TRRAP: variants seen among roughly 807,000 people sequenced by gnomAD.
The protein encoded by TRRAP is transformation/transcription domain associated protein.
Under a neutral mutation model 438.8 loss-of-function variants are expected in TRRAP, and 41 were observed. That is an observed-to-expected ratio of 0.09 (90% CI 0.07 to 0.12). The LOEUF is 0.12. Ranked by LOEUF, TRRAP falls within the 10% of genes least tolerant of loss-of-function variation. The probability of loss-of-function intolerance (pLI) is 1.00; values close to 1 mark genes in which losing one functional copy is unlikely to be tolerated. For missense variants in TRRAP, 3,122 were observed against 5,055.1 expected (o/e 0.62, Z 11.60); for synonymous variants, 1,994 against 1,962.9 (o/e 1.02, Z -0.42).
intron 30 of TRRAP, among the ~76,000 whole-genome samples, chr7:98,940,354 A>G (rs1170375044): frequency 6.6e-6 from 1 of 151,706 alleles, no homozygotes; most frequent in East Asian, 1.9e-4. Context: ...ACGCCCAGCT[A>G]ATTTTTTGTA....
At chr7:98,992,560 CGTGTGTGTGTGT>C (rs72517544) in intron 65 of TRRAP, among the ~76,000 whole-genome samples, 1 of 149,126 alleles carries the variant, frequency 6.7e-6, no homozygotes. Flanking sequence ...TGCCAGCTGC[CGTGTGTGTGTGT>C]GTGTGTGTGT....
chr7:98,971,615 A>G (rs1205060015), intron 52 of TRRAP, among the ~76,000 whole-genome samples, 184 bp from the exon 53 acceptor site: 1 of 152,238 alleles, frequency 6.6e-6, no homozygotes, highest in Non-Finnish European at 1.5e-5. Context: ...AAAGAGAGCG[A>G]TCTGGTCTAG....
In TRRAP at chr7:98,953,229, C is replaced by T. The variant is rs199909227; in HGVS notation, c.5526C>T (p.Tyr1842=). The T allele has an allele frequency of 1.2e-5, 20 of 1,613,408 alleles. No individual in the cohort carries two copies. Among genetic ancestry groups the T allele is most frequent in the Admixed American group, 3.3e-5 (2 of 59,984 alleles). Residue 1842 remains tyrosine, a synonymous_variant, in exon 40 of 73, where the codon TAC becomes TAT. Coordinates refer to ENST00000456197, the MANE Select transcript of TRRAP (RefSeq NM_001375524.1). The part of the protein sequence containing the change: ...LDSLRIYLLQ[Y]ATLLVEHAPH... ...CGCTGCGGATCTACCTGCTGCAGTACGCCACGCTGCTGGTGGAGCACGCCC... is the reference window on the plus strand; with the variant it reads ...CGCTGCGGATCTACCTGCTGCAGTATGCCACGCTGCTGGTGGAGCACGCCC...
intron 46 of TRRAP, 151 bp from the exon 47 acceptor site, chr7:98,962,151 C>G (rs1791923781): frequency 1.3e-5 from 15 of 1,142,488 alleles, no homozygotes; most frequent in African/African-American, 1.1e-4. Flanking sequence ...CGGGAACCAG[C>G]CCAGAGGTGA....
Position 98,990,521 on chromosome 7 carries a change from A to C in TRRAP, c.9658A>C (p.Ile3220Leu). The C allele has an allele frequency of 1.2e-6, 2 of 1,614,168 alleles. No homozygotes were observed. Among genetic ancestry groups the C allele is most frequent in the Non-Finnish European group, 1.7e-6 (2 of 1,179,996 alleles). Residue 3220 changes from isoleucine to leucine, a missense_variant, in exon 64 of 73, where the codon ATT becomes CTT. This residue lies in a region of TRRAP where 52 missense variants were observed against 88.3 expected (regional missense o/e 0.59). Coordinates refer to ENST00000456197, the MANE Select transcript of TRRAP (RefSeq NM_001375524.1). ...TLADAVDKYC[I>L]GVPPIQWLAW... The stretch of plus-strand genomic sequence containing the variant: ...GGCAGATGCCGTCGACAAGTACTGC[A>C]TTGGTGTGCCACCCATCCAGTGGCT...
At position 98,956,017 on chromosome 7, in the gene TRRAP, A is replaced by G. The variant is rs977978928; in HGVS notation, c.5938-129A>G. 1.8e-5 allele frequency: 21 copies of G among 1,148,166 alleles called. No homozygotes were observed. The highest frequency in any genetic ancestry group is 3.1e-5 in the African/African-American group (2 of 64,656). The allele number at this position is 1,148,166 out of a possible 1,614,324, so 71.1% of individuals were successfully genotyped here. ...TAGGATTCAGAATTCTTGAGCATCA[A>G]GTTGGGCTGTGTGTGTATGTTGGGG... On this transcript the variant is annotated intron_variant, in intron 41 of 72. Transcript: ENST00000456197. The surrounding 1 kb of genome is among the most constrained non-coding windows in gnomAD (Gnocchi z 4.5).
intron 13 of TRRAP, 59 bp downstream of exon 13, chr7:98,906,314 C>T (rs782663806): frequency 2.4e-4 from 332 of 1,406,972 alleles, no homozygotes; most frequent in Non-Finnish European, 2.8e-4. Context: ...CAGTTACTGG[C>T]ACTTCATGTT....
At chr7:98,927,398 T>A (rs1584321319) in intron 23 of TRRAP, 32 bp downstream of exon 23, 1 of 1,609,556 alleles carries the variant, frequency 6.2e-7, no homozygotes, top group East Asian at 2.2e-5. Context: ...GGCACGGGAT[T>A]GGTTCTTTGA....
Position 98,908,098 on chromosome 7 carries a change from C to T in TRRAP, c.1116-630C>T, listed in dbSNP as rs1796872600. On this transcript the variant is annotated intron_variant, in intron 13 of 72. Transcript: ENST00000456197. This position sits in a 1 kb window ranked among gnomAD's most constrained non-coding sequence, Gnocchi z 4.1. ...TCAGTGCCACCTCAAAGGAACTGTCCCTGGAACCCTGTTTAAGAATAGCTT... is the reference window on the plus strand; with the variant it reads ...TCAGTGCCACCTCAAAGGAACTGTCTCTGGAACCCTGTTTAAGAATAGCTT... Among the ~76,000 whole-genome samples, 1 of 152,186 alleles carries T rather than the reference C, an allele frequency of 6.6e-6. No homozygotes were observed. The highest frequency in any genetic ancestry group is 2.4e-5 in the African/African-American group (1 of 41,446).
At chr7:98,891,654 G>T (rs1321099252) in intron 4 of TRRAP, among the ~76,000 whole-genome samples, 2 of 150,702 alleles carry the variant, frequency 1.3e-5, no homozygotes, top group East Asian at 3.9e-4. Flanking sequence ...TCCTGCCTCA[G>T]CCTCCCGAGT....
In TRRAP at chr7:98,908,614, A is replaced by G; in HGVS notation, c.1116-114A>G. 2 of 873,308 alleles carry G rather than the reference A, an allele frequency of 2.3e-6. No individual in the cohort carries two copies. Among genetic ancestry groups the G allele is most frequent in the Non-Finnish European group, 3.6e-6 (2 of 561,764 alleles). The allele number at this position is 873,308 out of a possible 1,614,324, so 54.1% of individuals were successfully genotyped here. A position where few individuals can be genotyped will look rare whatever the true frequency, so the allele number is the denominator to read the frequency against. On this transcript the variant is annotated intron_variant, in intron 13 of 72. Transcript: ENST00000456197. This position sits in a 1 kb window ranked among gnomAD's most constrained non-coding sequence, Gnocchi z 4.1. ...GTAATGTGGTGAAAATGGGCCATGT[A>G]AGTGTGCCGACCCAGGGGTGGTGTT...
chr7:98,926,103 C>T (rs1469396022), intron 22 of TRRAP, among the ~76,000 whole-genome samples: 1 of 152,090 alleles, frequency 6.6e-6, no homozygotes, highest in African/African-American at 2.4e-5. Context: ...TTGTCGAATA[C>T]TTATCCAGAA....
chr7:98,956,423 T>G lies in TRRAP; in HGVS notation c.6121T>G (p.Ser2041Ala), dbSNP rs1791614986. ...GCCGGATTCAGATATGGACCCAAAT[T>G]CCAGTGGAGAAGGAGTCAATTCTGT... ...QQPDSDMDPN[S>A]SGEGVNSVSS... Residue 2041 changes from serine to alanine, a missense_variant, in exon 43 of 73, where the codon TCC becomes GCC. Ser to Ala is a moderately conservative substitution (Grantham distance 99). Around this residue, in one of 24 missense-constraint regions of TRRAP, gnomAD observed 992 missense variants for 1,281.2 expected, o/e 0.77. Coordinates refer to ENST00000456197, the MANE Select transcript of TRRAP (RefSeq NM_001375524.1). The surrounding 1 kb of genome is among the most constrained non-coding windows in gnomAD (Gnocchi z 4.5). 1.2e-6 allele frequency: 2 copies of G among 1,613,962 alleles called. No homozygotes were observed. Among genetic ancestry groups the G allele is most frequent in the South Asian group, 2.2e-5 (2 of 91,074 alleles).
Position 98,999,002 on chromosome 7 carries a change from G to A in TRRAP, c.10309+4154G>A, listed in dbSNP as rs150998069. On this transcript the variant is annotated intron_variant, in intron 67 of 72. Coordinates refer to ENST00000456197, the MANE Select transcript of TRRAP (RefSeq NM_001375524.1). Reference sequence around the variant, plus strand: ...CCAGGCCCTGCAGGCCCCCACAGGCGGGGGCAGCACACCACATCTGCCACC... The same window carrying A: ...CCAGGCCCTGCAGGCCCCCACAGGCAGGGGCAGCACACCACATCTGCCACC... The A allele has an allele frequency of 6.5e-4, 426 of 656,232 alleles. 1 individual carries two copies. Among genetic ancestry groups the A allele is most frequent in the African/African-American group, 5.5e-3 (304 of 55,490 alleles). The allele number at this position is 656,232 out of a possible 1,614,324, so 40.7% of individuals were successfully genotyped here. A position where few individuals can be genotyped will look rare whatever the true frequency, so the allele number is the denominator to read the frequency against.
At chr7:98,900,799 T>G (rs1043946754) in intron 11 of TRRAP, 79 bp downstream of exon 11, 4 of 1,215,444 alleles carry the variant, frequency 3.3e-6, no homozygotes, top group Non-Finnish European at 4.6e-6. Context: ...GGTGTACAGT[T>G]CTAGGAATTG....
chr7:98,978,960 C>T, intron 58 of TRRAP, 56 bp downstream of exon 58: 1 of 1,604,116 alleles, frequency 6.2e-7, no homozygotes, highest in Non-Finnish European at 8.5e-7. Flanking sequence ...CCTGAAGCTG[C>T]AGGTGTCTCT....
chr7:98,900,531 A>C (rs73409114), intron 10 of TRRAP, 93 bp from the exon 11 acceptor site: 1 of 1,056,456 alleles, frequency 9.5e-7, no homozygotes. Flanking sequence ...TGTGGAAATC[A>C]ATCTTTTGGG....
intron 4 of TRRAP, among the ~76,000 whole-genome samples, chr7:98,891,774 G>A (rs933420901): frequency 9.4e-5 from 14 of 148,440 alleles, no homozygotes; most frequent in Non-Finnish European, 1.3e-4. Context: ...TCCTGACCTC[G>A]TGATCTGCCC....
At chr7:98,938,704 A>G (rs1554414874) in intron 30 of TRRAP, among the ~76,000 whole-genome samples, 1 of 152,178 alleles carries the variant, frequency 6.6e-6, no homozygotes, top group Non-Finnish European at 1.5e-5. Flanking sequence ...CTCACTGGTG[A>G]ACATTTAGAT....
Sources: allele counts gnomAD v4.1 joint callset (sites outside exome capture counted in the v4.1 genomes callset), GRCh38; gene constraint gnomAD v4.1.1; regional missense constraint gnomAD v4.1.1; non-coding constraint Gnocchi (gnomAD v3.1); transcripts MANE v1.5; gene names NCBI Gene and HGNC (gene_info 2026-07-23, HGNC 2026-07-21).